Variants in PGGT1B observed in about 807,000 individuals in gnomAD.
PGGT1B encodes the protein geranylgeranyl transferase type-1 subunit beta.
Under a neutral mutation model 46.1 loss-of-function variants are expected in PGGT1B, and 30 were observed. That is an observed-to-expected ratio of 0.65 (90% CI 0.49 to 0.88). PGGT1B has a LOEUF of 0.88. Among genes scored for constraint, PGGT1B ranks in the 40% least tolerant of loss-of-function variants. The pLI is 0.00. For synonymous variants in PGGT1B, 170 were observed against 160.0 expected, an observed-to-expected ratio of 1.06 and a Z score of -0.47; for missense variants, 376 against 455.9, an observed-to-expected ratio of 0.82 and a Z score of 1.60.
Position 115,255,374 on chromosome 5 carries a change from C to A in PGGT1B, c.141-2119G>T, listed in dbSNP as rs1042661715. Among the ~76,000 whole-genome samples the A allele has an allele frequency of 2.0e-5, 3 of 152,274 alleles. No individual in the cohort carries two copies. In the East Asian group the frequency reaches 5.8e-4, roughly 29 times the overall value. ...ACTGCCCTTGGTGGTAATTATGTCTCATGAGAGAAGGTCCACTTTGTTTGT... is the reference window on the plus strand; with the variant it reads ...ACTGCCCTTGGTGGTAATTATGTCTAATGAGAGAAGGTCCACTTTGTTTGT... On this transcript the variant is annotated intron_variant, in intron 1 of 8. Coordinates refer to ENST00000419445, the MANE Select transcript of PGGT1B (RefSeq NM_005023.4).
chr5:115,252,397 G>T (rs1030388551), intron 2 of PGGT1B, among the ~76,000 whole-genome samples: 9 of 151,796 alleles, frequency 5.9e-5, no homozygotes, highest in African/African-American at 2.2e-4. Context: ...TTTCTCCAAA[G>T]TTCACTGGAT....
chr5:115,212,695 G>T, intron 8 of PGGT1B, 112 bp from the exon 9 acceptor site: 1 of 660,846 alleles, frequency 1.5e-6, no homozygotes, highest in Non-Finnish European at 2.5e-6. Context: ...TAAGTTTAGA[G>T]AAATGCTAAT....
intron 2 of PGGT1B, among the ~76,000 whole-genome samples, chr5:115,246,367 A>C (rs1276637018): frequency 1.3e-5 from 2 of 152,084 alleles, no homozygotes; most frequent in African/African-American, 4.8e-5. Flanking sequence ...AAAAAAAAAA[A>C]AAAATTCACC....
chr5:115,240,893 T>G (rs1162794593), intron 3 of PGGT1B, among the ~76,000 whole-genome samples: 1 of 152,194 alleles, frequency 6.6e-6, no homozygotes, highest in Admixed American at 6.5e-5. Context: ...TTGTATTTTG[T>G]GTACATATGG....
intron 7 of PGGT1B, among the ~76,000 whole-genome samples, chr5:115,219,354 C>A (rs1353827311): frequency 1.3e-5 from 2 of 151,844 alleles, no homozygotes; most frequent in Non-Finnish European, 2.9e-5. Context: ...TGGAAAAGGA[C>A]AGTCTTTTCA....
intron 1 of PGGT1B, among the ~76,000 whole-genome samples, chr5:115,259,313 C>G (rs1029502711): frequency 3.3e-5 from 5 of 152,292 alleles, no homozygotes; most frequent in Non-Finnish European, 7.3e-5. Context: ...CAGGTATGTG[C>G]ATTTTTGAAA....
intron 5 of PGGT1B, among the ~76,000 whole-genome samples, chr5:115,235,428 T>C (rs1757151072): frequency 6.6e-6 from 1 of 152,100 alleles, no homozygotes; most frequent in Admixed American, 6.5e-5. Flanking sequence ...ACTGAATATT[T>C]AGTCTCCAGG....
chr5:115,222,552 T>G (rs1756619067), intron 6 of PGGT1B, among the ~76,000 whole-genome samples: 1 of 152,230 alleles, frequency 6.6e-6, no homozygotes, highest in Non-Finnish European at 1.5e-5. Flanking sequence ...TCAACCATTG[T>G]GGAAGACAGT....
chr5:115,213,618 A>C (rs1049351045), intron 8 of PGGT1B, among the ~76,000 whole-genome samples: 19 of 152,254 alleles, frequency 1.2e-4, no homozygotes, highest in African/African-American at 4.6e-4. Context: ...CAAAAAATAC[A>C]AAAATTACCA....
intron 8 of PGGT1B, among the ~76,000 whole-genome samples, chr5:115,213,535 C>T (rs956902245): frequency 6.6e-6 from 1 of 152,116 alleles, no homozygotes; most frequent in African/African-American, 2.4e-5. Context: ...CTTTGGGAGG[C>T]CGAGAAGGGC....
chr5:115,262,863 AGCGACGTCCGCC>A lies in PGGT1B; in HGVS notation c.-24_-13del, dbSNP rs1352042314. 3 of 1,611,312 alleles carry A rather than the reference AGCGACGTCCGCC, an allele frequency of 1.9e-6. No individual in the cohort carries two copies. Among genetic ancestry groups the A allele is most frequent in the Middle Eastern group, 2.2e-4 (1 of 4,464 alleles). ...TCAGTGGCCGCCATGCTGCTCCGGA[AGCGACGTCCGCC>A]GCGACCCGGAATCAGTGCCCGCGGA... On this transcript the variant is annotated 5_prime_UTR_variant, in exon 1 of 9. Transcript: ENST00000419445.
rs35711954 is a variant in PGGT1B at position 115,238,291 on chromosome 5, A to ATTTTTTTTTTTTTTTTTTTTTTTT, written c.328-306_328-283dup. ...AATTATGTATTACTTATTTTTTTGG[A>ATTTTTTTTTTTTTTTTTTTTTTTT]TTTTTTTTTTTTTTTTTTTTTTTTT... On this transcript the variant is annotated intron_variant, in intron 3 of 8. Transcript: ENST00000419445. Among the ~76,000 whole-genome samples the ATTTTTTTTTTTTTTTTTTTTTTTT allele has an allele frequency of 3.4e-4, 16 of 46,966 alleles. 1 individual carries two copies. Among genetic ancestry groups the ATTTTTTTTTTTTTTTTTTTTTTTT allele is most frequent in the Non-Finnish European group, 4.3e-4 (11 of 25,664 alleles). The allele number at this position is 46,966 out of a possible 152,430, so 30.8% of individuals were successfully genotyped here. A position where few individuals can be genotyped will look rare whatever the true frequency, so the allele number is the denominator to read the frequency against.
intron 7 of PGGT1B, among the ~76,000 whole-genome samples, chr5:115,220,457 T>G (rs943525615): frequency 6.6e-6 from 1 of 151,742 alleles, no homozygotes; most frequent in Admixed American, 6.6e-5. Context: ...GAAAGAAGAA[T>G]AGGGAATTAC....
intron 1 of PGGT1B, among the ~76,000 whole-genome samples, chr5:115,260,213 A>C (rs190561): frequency 6.6e-6 from 1 of 152,056 alleles, no homozygotes; most frequent in Non-Finnish European, 1.5e-5. Flanking sequence ...AAAAGAAACA[A>C]GAAAATAAGA....
At chr5:115,246,061 C>T (rs1304713362) in intron 2 of PGGT1B, among the ~76,000 whole-genome samples, 3 of 152,034 alleles carry the variant, frequency 2.0e-5, no homozygotes, top group African/African-American at 7.2e-5. Flanking sequence ...CTTAATTTTT[C>T]ACCACTTAGG....
At chr5:115,256,772 TA>T (rs530802527) in intron 1 of PGGT1B, among the ~76,000 whole-genome samples, 253 of 152,182 alleles carry the variant, frequency 1.7e-3, no homozygotes, top group Non-Finnish European at 2.9e-3. Context: ...CCCAGAGAAA[TA>T]GTATAATGTA....
At chr5:115,250,926 G>T (rs1009819320) in intron 2 of PGGT1B, among the ~76,000 whole-genome samples, 1 of 152,056 alleles carries the variant, frequency 6.6e-6, no homozygotes, top group South Asian at 2.1e-4. Context: ...TCAAATAACT[G>T]AATGTAGTTG....
At chr5:115,241,705 A>C in intron 2 of PGGT1B, 99 bp from the exon 3 acceptor site, 1 of 811,408 alleles carries the variant, frequency 1.2e-6, no homozygotes, top group Non-Finnish European at 1.9e-6. Context: ...AGACTATTTT[A>C]GTCTCCATTT....
intron 6 of PGGT1B, among the ~76,000 whole-genome samples, chr5:115,226,921 A>G (rs1424717355): frequency 2.0e-5 from 3 of 152,018 alleles, no homozygotes; most frequent in African/African-American, 7.2e-5. Flanking sequence ...TTAAACTCTG[A>G]CGGTTATGAA....
Sources: gnomAD v4.1 joint callset for allele counts (sites outside exome capture counted in the v4.1 genomes callset) on GRCh38, gnomAD v4.1.1 for gene constraint, MANE v1.5 for transcripts, NCBI Gene and HGNC (gene_info 2026-07-23, HGNC 2026-07-21) for gene names.